The following SOCS7 variants were observed in gnomAD, a reference collection of about 807,000 sequenced individuals.
The protein encoded by SOCS7 is NAP-4.
In SOCS7, 18 loss-of-function variants were observed where a neutral mutation model predicts 58.9. That is an observed-to-expected ratio of 0.31 (90% CI 0.21 to 0.45). The LOEUF (loss-of-function observed/expected upper bound fraction) is 0.45. SOCS7 is among the 20% of genes least tolerant of loss of function. The probability of loss-of-function intolerance (pLI) is 1.00; values close to 1 mark genes in which losing one functional copy is unlikely to be tolerated. For synonymous variants in SOCS7, 388 were observed against 364.3 expected (o/e 1.06, Z -0.74); for missense variants, 667 against 837.3 (o/e 0.80, Z 2.51).
intron 7 of SOCS7, among the ~76,000 whole-genome samples, chr17:38,389,545 A>G (rs561734008): frequency 5.8e-4 from 89 of 152,180 alleles, no homozygotes; most frequent in Non-Finnish European, 1.1e-3. Context: ...TTTATCTCAA[A>G]AAATAAAGTT....
intron 6 of SOCS7, among the ~76,000 whole-genome samples, chr17:38,370,298 AC>A (rs375789227): frequency 3.8e-4 from 57 of 151,590 alleles, no homozygotes; most frequent in African/African-American, 1.2e-3. Flanking sequence ...TCACCTGGCC[AC>A]CAGTTACTTT....
At chr17:38,390,640 TTTCCTTCCTTCCTTCCTTCCTTCC>T (rs60020052) in intron 7 of SOCS7, among the ~76,000 whole-genome samples, 104 of 114,406 alleles carry the variant, frequency 9.1e-4, no homozygotes, top group Middle Eastern at 5.0e-3. Context: ...TTTTGTTCGT[TTTCCTTCCTTCCTTCCTTCCTTCC>T]TTCCTTCCTT....
intron 6 of SOCS7, 27 bp from the exon 7 acceptor site, chr17:38,377,687 T>C (rs770601889): frequency 6.3e-7 from 1 of 1,589,232 alleles, no homozygotes; most frequent in East Asian, 2.2e-5. Context: ...AGTTTTAAAA[T>C]TTTTACTTCT....
intron 7 of SOCS7, among the ~76,000 whole-genome samples, chr17:38,386,239 G>A (rs1257191472): frequency 6.8e-6 from 1 of 147,778 alleles, no homozygotes; most frequent in African/African-American, 2.6e-5. Context: ...CAGGAGAATG[G>A]CCTGAACCCA....
intron 1 of SOCS7, among the ~76,000 whole-genome samples, chr17:38,359,772 A>T (rs28625210): frequency 6.6e-6 from 1 of 150,594 alleles, no homozygotes; most frequent in Non-Finnish European, 1.5e-5. Flanking sequence ...TTTTAAAAAA[A>T]TTTTTAATTA....
intron 7 of SOCS7, among the ~76,000 whole-genome samples, chr17:38,394,248 A>G (rs1294782003): frequency 6.6e-6 from 1 of 152,194 alleles, no homozygotes; most frequent in Non-Finnish European, 1.5e-5. Context: ...TTTGGCATCA[A>G]TCAGCAGGCG....
At chr17:38,392,394 T>C (rs1597712621) in intron 7 of SOCS7, among the ~76,000 whole-genome samples, 1 of 152,226 alleles carries the variant, frequency 6.6e-6, no homozygotes, top group Non-Finnish European at 1.5e-5. Context: ...TATAAATTAC[T>C]TTTATCTCTG....
At chr17:38,374,892 A>G (rs183823279) in intron 6 of SOCS7, among the ~76,000 whole-genome samples, 15 of 152,408 alleles carry the variant, frequency 9.8e-5, no homozygotes, top group African/African-American at 3.4e-4. Context: ...GGACCCTTCT[A>G]TGATATGGGC....
chr17:38,364,727 C>A, intron 2 of SOCS7, 25 bp from the exon 3 acceptor site: 1 of 1,602,328 alleles, frequency 6.2e-7, no homozygotes, highest in Non-Finnish European at 8.6e-7. Flanking sequence ...GCTTCTGTAA[C>A]TTGCTTGCTC....
intron 7 of SOCS7, 125 bp downstream of exon 7, chr17:38,377,967 T>C: frequency 1.2e-6 from 1 of 821,590 alleles, no homozygotes; most frequent in Non-Finnish European, 1.9e-6. Context: ...GAGCCACCAC[T>C]CCTCTTACAG....
intron 4 of SOCS7, chr17:38,365,684 T>G (rs2037780246): frequency 3.0e-6 from 1 of 336,194 alleles, no homozygotes; most frequent in Admixed American, 4.8e-5. Flanking sequence ...TTGCAATCCT[T>G]GAGTAGATAT....
Position 38,403,686 on chromosome 17 carries a change from G to A in SOCS7, c.*4204G>A, listed in dbSNP as rs1226289384. ...GGTGTTAAGAGCATCTCCACTGGGC[G>A]GAGACCTGGCATTTGTTTTCCACTG... On this transcript the variant is annotated 3_prime_UTR_variant, in exon 10 of 10. Transcript: ENST00000612932. 6.6e-6 allele frequency: 1 copy of A among 152,158 alleles called. No individual in the cohort carries two copies. Among genetic ancestry groups the A allele is most frequent in the East Asian group, 1.9e-4 (1 of 5,190 alleles). 9.4% of individuals were successfully genotyped at this position (152,158 alleles called of 1,614,324 possible).
In SOCS7 at chr17:38,398,959, G is replaced by A. The variant is rs555073293; in HGVS notation, c.*31-554G>A. ...TACAAAATTAGCCAGGCATGGTGGC[G>A]CATGCCTGTAATCCCAGCTACTTGG... On this transcript the variant is annotated intron_variant, in intron 9 of 9. Coordinates refer to ENST00000612932, the MANE Select transcript of SOCS7 (RefSeq NM_014598.4). Among the ~76,000 whole-genome samples, 62 of 152,034 alleles carry A rather than the reference G, an allele frequency of 4.1e-4. 1 individual carries two copies. Among genetic ancestry groups the A allele is most frequent in the African/African-American group, 1.3e-3 (56 of 41,488 alleles).
At chr17:38,381,230 C>A (rs981945204) in intron 7 of SOCS7, among the ~76,000 whole-genome samples, 11 of 152,134 alleles carry the variant, frequency 7.2e-5, no homozygotes, top group African/African-American at 2.4e-4. Flanking sequence ...GCCCCTCGAC[C>A]CTAAGTGACC....
At position 38,400,485 on chromosome 17, in the gene SOCS7, G is replaced by C. The variant is rs1224533706; in HGVS notation, c.*1003G>C. The C allele has an allele frequency of 6.6e-6, 1 of 152,248 alleles. No homozygotes were observed. Among genetic ancestry groups the C allele is most frequent in the Non-Finnish European group, 1.5e-5 (1 of 68,060 alleles). 9.4% of individuals were successfully genotyped at this position (152,248 alleles called of 1,614,324 possible). A position where few individuals can be genotyped will look rare whatever the true frequency, so the allele number is the denominator to read the frequency against. On this transcript the variant is annotated 3_prime_UTR_variant, in exon 10 of 10. Coordinates refer to ENST00000612932, the MANE Select transcript of SOCS7 (RefSeq NM_014598.4). Reference sequence around the variant, plus strand: ...GTTACTTCCATGTGCCTGTCAGCTTGTGAGGGGGAATGTGGAGGAAGGTGA... The same window carrying C: ...GTTACTTCCATGTGCCTGTCAGCTTCTGAGGGGGAATGTGGAGGAAGGTGA...
At chr17:38,362,275 T>C (rs2037730155) in intron 2 of SOCS7, among the ~76,000 whole-genome samples, 1 of 152,248 alleles carries the variant, frequency 6.6e-6, no homozygotes, top group Admixed American at 6.5e-5. Flanking sequence ...CTGTTAGACT[T>C]CTTTATTGTA....
At chr17:38,387,067 G>A (rs1227661462) in intron 7 of SOCS7, among the ~76,000 whole-genome samples, 11 of 119,196 alleles carry the variant, frequency 9.2e-5, no homozygotes, top group Admixed American at 8.7e-4. Context: ...GGGCGACAGA[G>A]CGAGACTCTT....
chr17:38,357,102 GA>G (rs869282754), intron 1 of SOCS7, among the ~76,000 whole-genome samples: 97 of 152,142 alleles, frequency 6.4e-4, no homozygotes, highest in East Asian at 1.5e-3. Context: ...ATTTGGGGGG[GA>G]AAAAAACAAA....
intron 1 of SOCS7, among the ~76,000 whole-genome samples, chr17:38,358,889 C>T (rs2037676268): frequency 6.6e-6 from 1 of 152,018 alleles, no homozygotes; most frequent in Non-Finnish European, 1.5e-5. Context: ...TATGATTTTT[C>T]TTCTTCAAAA....
Sources: gnomAD v4.1 joint callset for allele counts (sites outside exome capture counted in the v4.1 genomes callset) on GRCh38, gnomAD v4.1.1 for gene constraint, MANE v1.5 for transcripts, NCBI Gene and HGNC (gene_info 2026-07-23, HGNC 2026-07-21) for gene names.